The following PCDH11X variants were observed in gnomAD, a reference collection of about 807,000 sequenced individuals.
PCDH11X encodes protocadherin 11 X-linked, also known as protocadherin-11 X-linked.
In PCDH11X, 18 loss-of-function variants were observed where a neutral mutation model predicts 53.3. The observed-to-expected ratio is 0.34, with a 90% confidence interval of 0.23 to 0.50. PCDH11X has a LOEUF of 0.50. PCDH11X is among the 20% of genes least tolerant of loss of function. The probability of loss-of-function intolerance (pLI) is 0.98; values close to 1 mark genes in which losing one functional copy is unlikely to be tolerated. For synonymous variants in PCDH11X, 279 were observed against 393.3 expected (o/e 0.71, Z 3.44); for missense variants, 570 against 1,032.4 (o/e 0.55, Z 6.14).
intron 5 of PCDH11X, among the ~76,000 whole-genome samples, chrX:91,845,726 G>A (rs1234368583): frequency 9.0e-6 from 1 of 111,197 alleles, no homozygotes; most frequent in South Asian, 3.7e-4. Flanking sequence ...CCTATAGTTA[G>A]AGGTTAATTA....
intron 6 of PCDH11X, among the ~76,000 whole-genome samples, chrX:91,930,191 G>C (rs940488926): frequency 9.3e-6 from 1 of 108,008 alleles, no homozygotes; most frequent in Admixed American, 1.0e-4. Flanking sequence ...CTAAAACGTA[G>C]ACTATTCACT....
intron 4 of PCDH11X, among the ~76,000 whole-genome samples, chrX:91,815,434 A>G (rs1410593986): frequency 2.7e-5 from 3 of 111,796 alleles, no homozygotes; most frequent in African/African-American, 6.5e-5. Flanking sequence ...TTGCAAAAAA[A>G]TGATCTCTAT....
At chrX:91,823,838 C>T (rs1936797864) in intron 4 of PCDH11X, among the ~76,000 whole-genome samples, 1 of 110,970 alleles carries the variant, frequency 9.0e-6, no homozygotes, top group South Asian at 3.8e-4. Flanking sequence ...ATATTTAGCG[C>T]TTCCTTCAGC....
intron 6 of PCDH11X, among the ~76,000 whole-genome samples, chrX:91,908,156 C>G: frequency 9.0e-6 from 1 of 111,435 alleles, no homozygotes; most frequent in Middle Eastern, 4.6e-3. Flanking sequence ...GCTACAGAAG[C>G]AAAAATCAAC....
At chrX:92,545,141 G>A (rs907938334) in intron 10 of PCDH11X, among the ~76,000 whole-genome samples, 1 of 111,405 alleles carries the variant, frequency 9.0e-6, no homozygotes, top group African/African-American at 3.3e-5. Flanking sequence ...CTCTGTGGGA[G>A]AGAGTAGGGA....
intron 6 of PCDH11X, among the ~76,000 whole-genome samples, chrX:92,186,767 G>A (rs2066107181): frequency 9.0e-6 from 1 of 110,882 alleles, no homozygotes; most frequent in Admixed American, 9.7e-5. Context: ...AGCACTGTAG[G>A]GTGACTATAG....
intron 8 of PCDH11X, among the ~76,000 whole-genome samples, chrX:92,373,285 G>A (rs1462981184): frequency 9.0e-6 from 1 of 111,477 alleles, no homozygotes; most frequent in African/African-American, 3.3e-5. Context: ...AAGGCAAAGG[G>A]GTTTGGGCTA....
chrX:92,140,249 A>G (rs2065157521), intron 6 of PCDH11X, among the ~76,000 whole-genome samples: 1 of 111,228 alleles, frequency 9.0e-6, no homozygotes, highest in Non-Finnish European at 1.9e-5. Flanking sequence ...TTAAAAAGGA[A>G]GAGGTATTTA....
chrX:92,126,037 GA>G (rs1033844388), intron 6 of PCDH11X, among the ~76,000 whole-genome samples: 9 of 110,042 alleles, frequency 8.2e-5, no homozygotes, highest in Admixed American at 7.9e-4. Flanking sequence ...TGAGGCAGAA[GA>G]ATTGCTTGAA....
intron 6 of PCDH11X, among the ~76,000 whole-genome samples, chrX:91,992,847 G>A (rs1191654232): frequency 1.8e-5 from 2 of 111,861 alleles, no homozygotes; most frequent in East Asian, 5.6e-4. Flanking sequence ...CTAATATGTG[G>A]TGGAGCAAGG....
chrX:92,396,567 G>C (rs1194926785), intron 9 of PCDH11X, among the ~76,000 whole-genome samples: 1 of 102,878 alleles, frequency 9.7e-6, no homozygotes, highest in African/African-American at 3.6e-5. Context: ...CTTTTGGCCG[G>C]GCACGGTGGC....
chrX:92,342,788 C>T (rs1454845150), intron 8 of PCDH11X, among the ~76,000 whole-genome samples: 1 of 110,843 alleles, frequency 9.0e-6, no homozygotes, highest in Non-Finnish European at 1.9e-5. Context: ...TACTCCAAAC[C>T]TCAGCATCAC....
At chrX:91,856,449 A>G (rs780196899) in intron 5 of PCDH11X, among the ~76,000 whole-genome samples, 1 of 110,089 alleles carries the variant, frequency 9.1e-6, no homozygotes, top group South Asian at 3.9e-4. Context: ...ATTTGCTTGT[A>G]GTTTTCTCTT....
intron 10 of PCDH11X, among the ~76,000 whole-genome samples, chrX:92,554,403 T>A (rs1402972328): frequency 9.3e-6 from 1 of 107,675 alleles, no homozygotes; most frequent in Non-Finnish European, 1.9e-5. Context: ...AAAATTACTA[T>A]TATTATTTTT....
At chrX:91,939,233 G>C (rs1471882110) in intron 6 of PCDH11X, among the ~76,000 whole-genome samples, 4 of 111,146 alleles carry the variant, frequency 3.6e-5, no homozygotes, top group African/African-American at 1.3e-4. Context: ...ATTCATGTTA[G>C]AGTAGACATG....
chrX:92,126,631 A>T (rs182045180), intron 6 of PCDH11X, among the ~76,000 whole-genome samples: 7 of 106,698 alleles, frequency 6.6e-5, no homozygotes, highest in Non-Finnish European at 1.1e-4. Flanking sequence ...AATAAAAAAT[A>T]AAAAAATTAA....
intron 6 of PCDH11X, among the ~76,000 whole-genome samples, chrX:92,118,643 AT>A (rs1217169073): frequency 1.0e-5 from 1 of 97,398 alleles, no homozygotes; most frequent in Admixed American, 1.2e-4. Context: ...TTCTATTAGT[AT>A]TTTTTTTCAG....
chrX:92,152,662 CAA>C (rs1240669789), intron 6 of PCDH11X, among the ~76,000 whole-genome samples: 8 of 111,541 alleles, frequency 7.2e-5, no homozygotes, highest in African/African-American at 1.6e-4. Context: ...TTCAGAATGA[CAA>C]AGTTTTCTTC....
chrX:91,952,084 A>G (rs1470334128), intron 6 of PCDH11X, among the ~76,000 whole-genome samples: 1 of 110,856 alleles, frequency 9.0e-6, no homozygotes, highest in African/African-American at 3.3e-5. Flanking sequence ...CCTCTCTGCC[A>G]TTTCTGTCTA....
Sources: allele counts gnomAD v4.1 joint callset (sites outside exome capture counted in the v4.1 genomes callset), GRCh38; gene constraint gnomAD v4.1.1; transcripts MANE v1.5; gene names NCBI Gene and HGNC (gene_info 2026-07-23, HGNC 2026-07-21).